The following CRY1 variants were observed in gnomAD, a reference collection of about 807,000 sequenced individuals.
CRY1 encodes the protein cryptochrome circadian regulator 1.
CRY1 carries 45 observed loss-of-function variants against 76.0 expected under a neutral mutation model. The ratio of observed to expected loss-of-function variants is 0.59; its 90% CI spans 0.47 to 0.76. The LOEUF (loss-of-function observed/expected upper bound fraction) is 0.76, where lower values mean the gene tolerates loss of function less well. CRY1 is among the 30% of genes least tolerant of loss of function. The pLI is 0.00. For missense variants in CRY1, 587 were observed against 716.4 expected, an observed-to-expected ratio of 0.82 and a Z score of 2.06; for synonymous variants, 248 against 244.0, an observed-to-expected ratio of 1.02 and a Z score of -0.15.
At chr12:107,054,110 A>T (rs181936806) in intron 1 of CRY1, among the ~76,000 whole-genome samples, 1 of 152,204 alleles carries the variant, frequency 6.6e-6, no homozygotes, top group South Asian at 2.1e-4. Flanking sequence ...TAAATAGTAG[A>T]TATGTGGGTA....
chr12:107,079,695 T>C (rs961792648), intron 1 of CRY1, among the ~76,000 whole-genome samples: 16 of 151,994 alleles, frequency 1.1e-4, no homozygotes, highest in Admixed American at 6.6e-4. Flanking sequence ...GGAATTCCCT[T>C]CCCTCCATGC....
chr12:107,013,541 G>A (rs752785482), intron 2 of CRY1, among the ~76,000 whole-genome samples: 4 of 152,132 alleles, frequency 2.6e-5, no homozygotes, highest in Non-Finnish European at 5.9e-5. Context: ...TTACTTTATT[G>A]TGGTGGTCTC....
intron 2 of CRY1, among the ~76,000 whole-genome samples, chr12:107,011,663 GA>G (rs1424718457): frequency 6.6e-6 from 1 of 152,024 alleles, no homozygotes. Flanking sequence ...GCTGCAGAAG[GA>G]AAGTTGGAAG....
intron 1 of CRY1, among the ~76,000 whole-genome samples, chr12:107,091,828 G>C (rs145837430): frequency 6.6e-6 from 1 of 152,206 alleles, no homozygotes; most frequent in Non-Finnish European, 1.5e-5. Context: ...TCTTCCCTTA[G>C]ATATCTGCAT....
chr12:107,048,306 T>C (rs1379042242), intron 1 of CRY1, among the ~76,000 whole-genome samples: 2 of 152,144 alleles, frequency 1.3e-5, no homozygotes, highest in Non-Finnish European at 2.9e-5. Flanking sequence ...GGTCTCGAAC[T>C]CTGGACCTCA....
Position 107,086,174 on chromosome 12 carries a change from G to A in CRY1, c.158+6630C>T, listed in dbSNP as rs575863558. 1.1e-3 allele frequency among the ~76,000 whole-genome samples: 164 copies of A among 152,200 alleles called. 1 individual carries two copies. Among genetic ancestry groups the A allele is most frequent in the African/African-American group, 3.0e-3 (125 of 41,530 alleles). ...AAAAAAAGTTTCTAAACAACAAAGC[G>A]TTCAAAAGGTGACATGGCTGCTTCT... On this transcript the variant is annotated intron_variant, in intron 1 of 12. Transcript: ENST00000008527.
At chr12:107,047,060 G>C (rs1314763344) in intron 1 of CRY1, among the ~76,000 whole-genome samples, 1 of 152,200 alleles carries the variant, frequency 6.6e-6, no homozygotes, top group Non-Finnish European at 1.5e-5. Flanking sequence ...TCGTTCCACA[G>C]TTGTAGAATA....
In CRY1 at chr12:107,067,720, A is replaced by G. The variant is rs1953129665; in HGVS notation, c.158+25084T>C. 3.3e-5 allele frequency among the ~76,000 whole-genome samples: 5 copies of G among 152,172 alleles called. No homozygotes were observed. In the South Asian group the frequency reaches 8.3e-4, roughly 25 times the overall value. ...CAGACTGCAGATTAATGGGGGGAAG[A>G]AGGTGTTGGAAAAGTGTAGGGGACA... On this transcript the variant is annotated intron_variant, in intron 1 of 12. Transcript: ENST00000008527.
chr12:107,017,138 AT>A (rs1952505179), intron 2 of CRY1, among the ~76,000 whole-genome samples: 1 of 152,210 alleles, frequency 6.6e-6, no homozygotes, highest in South Asian at 2.1e-4. Flanking sequence ...AAACTCTCCA[AT>A]GGCATCTATT....
intron 1 of CRY1, among the ~76,000 whole-genome samples, chr12:107,069,110 C>CT (rs1344141796): frequency 6.6e-6 from 1 of 152,110 alleles, no homozygotes. Context: ...CTATGTTTAA[C>CT]TTTTTGTGGA....
At chr12:107,028,345 T>G (rs890423506) in intron 1 of CRY1, among the ~76,000 whole-genome samples, 2 of 152,158 alleles carry the variant, frequency 1.3e-5, no homozygotes, top group African/African-American at 2.4e-5. Context: ...CTAAATTGTC[T>G]GGATATTTGT....
chr12:107,034,688 T>C (rs1345966970), intron 1 of CRY1, among the ~76,000 whole-genome samples: 1 of 152,108 alleles, frequency 6.6e-6, no homozygotes, highest in African/African-American at 2.4e-5. Flanking sequence ...TCCCAGGCTT[T>C]ATGGACAAAG....
At chr12:107,016,118 T>C (rs543611802) in intron 2 of CRY1, among the ~76,000 whole-genome samples, 1 of 152,270 alleles carries the variant, frequency 6.6e-6, no homozygotes, top group East Asian at 1.9e-4. Flanking sequence ...GAGACCAGGC[T>C]GGCCAACATG....
At chr12:107,075,543 G>A (rs929290409) in intron 1 of CRY1, among the ~76,000 whole-genome samples, 2 of 152,070 alleles carry the variant, frequency 1.3e-5, no homozygotes, top group South Asian at 2.1e-4. Context: ...ATCAGTCTGC[G>A]GGTGTAATTT....
At chr12:107,032,203 G>C (rs565127624) in intron 1 of CRY1, among the ~76,000 whole-genome samples, 1 of 152,228 alleles carries the variant, frequency 6.6e-6, no homozygotes, top group South Asian at 2.1e-4. Context: ...CAAAGTGCTG[G>C]GATTACAGGC....
At chr12:107,022,055 T>C (rs533294728) in intron 2 of CRY1, 29 bp downstream of exon 2, 42 of 1,468,106 alleles carry the variant, frequency 2.9e-5, no homozygotes, top group South Asian at 1.2e-4. Flanking sequence ...TGAGAAAAGA[T>C]TGTTTTATGC....
intron 1 of CRY1, among the ~76,000 whole-genome samples, chr12:107,027,023 A>G (rs186658204): frequency 6.6e-6 from 1 of 152,300 alleles, no homozygotes; most frequent in Non-Finnish European, 1.5e-5. Flanking sequence ...ATCTCTAAGC[A>G]TATAATTTTT....
chr12:107,019,574 C>T (rs1174386728), intron 2 of CRY1, among the ~76,000 whole-genome samples: 1 of 152,144 alleles, frequency 6.6e-6, no homozygotes, highest in East Asian at 1.9e-4. Flanking sequence ...ACAAAGAACA[C>T]AAAACACTTG....
At chr12:107,083,976 C>T (rs2136901372) in intron 1 of CRY1, among the ~76,000 whole-genome samples, 1 of 152,254 alleles carries the variant, frequency 6.6e-6, no homozygotes, top group Middle Eastern at 3.4e-3. Context: ...AGCTGATAAG[C>T]AACTTCAGCA....
Sources: allele counts gnomAD v4.1 joint callset (sites outside exome capture counted in the v4.1 genomes callset), GRCh38; gene constraint gnomAD v4.1.1; transcripts MANE v1.5; gene names NCBI Gene and HGNC (gene_info 2026-07-23, HGNC 2026-07-21).